The following OPCML variants were observed in gnomAD, a reference collection of about 807,000 sequenced individuals.
The protein encoded by OPCML is opioid-binding protein/cell adhesion molecule.
In OPCML, 13 loss-of-function variants were observed where a neutral mutation model predicts 37.8. That is an observed-to-expected ratio of 0.34 (90% confidence interval 0.22 to 0.55). The LOEUF (loss-of-function observed/expected upper bound fraction) is 0.55, where lower values mean the gene tolerates loss of function less well. Ranked by LOEUF, OPCML falls within the 20% of genes least tolerant of loss-of-function variation. OPCML has a pLI of 0.91. For synonymous variants in OPCML, 176 were observed against 168.8 expected (o/e 1.04, Z -0.33); for missense variants, 341 against 435.6 (o/e 0.78, Z 1.93).
chr11:133,366,735 C>CTTAGTATTGAGTTGGCT (rs2136737826), intron 1 of OPCML, among the ~76,000 whole-genome samples: 1 of 152,346 alleles, frequency 6.6e-6, no homozygotes, highest in East Asian at 1.9e-4. Flanking sequence ...TTGGCTTCCA[C>CTTAGTATTGAGTTGGCT]AGCAACTTAG....
intron 1 of OPCML, among the ~76,000 whole-genome samples, chr11:133,017,484 G>A (rs765709066): frequency 5.9e-5 from 9 of 151,468 alleles, no homozygotes; most frequent in Non-Finnish European, 1.3e-4. Context: ...CACAACCTCC[G>A]CCTCCTGGGT....
intron 1 of OPCML, among the ~76,000 whole-genome samples, chr11:132,983,152 G>T (rs1320129724): frequency 6.6e-6 from 1 of 152,162 alleles, no homozygotes; most frequent in Non-Finnish European, 1.5e-5. Context: ...TGCTTTTCAA[G>T]AGGCAGTCAC....
intron 1 of OPCML, among the ~76,000 whole-genome samples, chr11:133,074,741 G>A (rs1436687341): frequency 6.6e-6 from 1 of 152,084 alleles, no homozygotes; most frequent in Non-Finnish European, 1.5e-5. Flanking sequence ...AATATGATGA[G>A]AACATTAAAT....
intron 1 of OPCML, among the ~76,000 whole-genome samples, chr11:133,519,503 T>G (rs888443039): frequency 2.0e-5 from 3 of 151,990 alleles, no homozygotes; most frequent in Non-Finnish European, 2.9e-5. Context: ...CACCAAAATA[T>G]AGCTAAAAAA....
chr11:132,551,214 A>T (rs2096380865), intron 3 of OPCML, among the ~76,000 whole-genome samples: 2 of 152,226 alleles, frequency 1.3e-5, no homozygotes, highest in African/African-American at 2.4e-5. Context: ...TTGGTCAGCC[A>T]GACCACGTAC....
At chr11:132,746,618 C>A (rs1389679052) in intron 2 of OPCML, among the ~76,000 whole-genome samples, 1 of 152,178 alleles carries the variant, frequency 6.6e-6, no homozygotes, top group Non-Finnish European at 1.5e-5. Flanking sequence ...GTTTTTCCTG[C>A]AAAATGGATT....
chr11:132,691,580 G>A (rs1350000446), intron 2 of OPCML, among the ~76,000 whole-genome samples: 1 of 152,172 alleles, frequency 6.6e-6, no homozygotes, highest in Admixed American at 6.5e-5. Flanking sequence ...GTGGAGTGTT[G>A]GCCTGGACCA....
At chr11:132,513,414 C>CTTACATTAATT (rs2096273159) in intron 4 of OPCML, among the ~76,000 whole-genome samples, 1 of 152,054 alleles carries the variant, frequency 6.6e-6, no homozygotes, top group Non-Finnish European at 1.5e-5. Flanking sequence ...ACAGATTTTG[C>CTTACATTAATT]TTACATTAAT....
chr11:132,656,449 A>T lies in OPCML; in HGVS notation c.379+638T>A, dbSNP rs1565751328. Among the ~76,000 whole-genome samples, 5 of 152,324 alleles carry T rather than the reference A, an allele frequency of 3.3e-5. No homozygotes were observed. In the South Asian group the frequency reaches 1.0e-3, roughly 32 times the overall value. The stretch of plus-strand genomic sequence containing the variant: ...ATTCAAGTTTTTAAAGGAGAATGGA[A>T]GAAGATGCTAAGTCTTCCTTCCTCC... On this transcript the variant is annotated intron_variant, in intron 3 of 7. Transcript: ENST00000524381.
At chr11:132,752,018 T>G (rs1157735551) in intron 2 of OPCML, among the ~76,000 whole-genome samples, 1 of 152,144 alleles carries the variant, frequency 6.6e-6, no homozygotes, top group Non-Finnish European at 1.5e-5. Context: ...ACACAGTATT[T>G]AAAAGGCATG....
At chr11:133,027,489 G>GTGTGTA (rs552362808) in intron 1 of OPCML, among the ~76,000 whole-genome samples, 1 of 148,134 alleles carries the variant, frequency 6.8e-6, no homozygotes, top group Non-Finnish European at 1.5e-5. Flanking sequence ...GTGTGTGTGT[G>GTGTGTA]TTGTGTGTGT....
intron 1 of OPCML, among the ~76,000 whole-genome samples, chr11:133,089,157 A>C (rs939677483): frequency 1.3e-5 from 2 of 152,222 alleles, no homozygotes; most frequent in African/African-American, 2.4e-5. Context: ...TTCTGATAAT[A>C]GTAAGTGAGC....
chr11:132,714,192 A>C (rs1380162435), intron 2 of OPCML, among the ~76,000 whole-genome samples: 1 of 152,224 alleles, frequency 6.6e-6, no homozygotes, highest in African/African-American at 2.4e-5. Context: ...TGGTACTGTC[A>C]CTGAAGACTC....
At chr11:132,905,422 AG>A (rs768742492) in intron 2 of OPCML, among the ~76,000 whole-genome samples, 66 of 151,842 alleles carry the variant, frequency 4.3e-4, no homozygotes, top group South Asian at 8.3e-4. Flanking sequence ...TGGTAGAGAC[AG>A]GGTTTCATCA....
At chr11:133,515,716 C>T (rs962529842) in intron 1 of OPCML, among the ~76,000 whole-genome samples, 9 of 151,842 alleles carry the variant, frequency 5.9e-5, no homozygotes, top group African/African-American at 2.2e-4. Context: ...GTACCTTTAC[C>T]ACCAGTCCAG....
intron 3 of OPCML, among the ~76,000 whole-genome samples, chr11:132,588,425 G>T (rs1384827005): frequency 1.3e-5 from 2 of 152,126 alleles, no homozygotes; most frequent in Non-Finnish European, 2.9e-5. Flanking sequence ...AAATAAAAAT[G>T]ATCAATCATA....
chr11:132,599,243 A>T lies in OPCML; in HGVS notation c.379+57844T>A, dbSNP rs532944572. ...GGAGGTTGCAGTAAGCCGAGATTGC[A>T]CCACTGCACTCCAGCCTGGGTGACA... is the stretch of plus-strand genomic sequence containing the variant. On this transcript the variant is annotated intron_variant, in intron 3 of 7. Transcript: ENST00000524381. Among the ~76,000 whole-genome samples the T allele has an allele frequency of 2.0e-5, 3 of 152,126 alleles. No homozygotes were observed. The South Asian group carries it at 6.2e-4, about 32-fold the overall frequency.
Position 133,174,686 on chromosome 11 carries a change from AGTGT to A in OPCML, c.62-231680_62-231677del, listed in dbSNP as rs563185308. On this transcript the variant is annotated intron_variant, in intron 1 of 7. Transcript: ENST00000524381. This position sits in a 1 kb window ranked among gnomAD's most constrained non-coding sequence, Gnocchi z 4.6. ...AGGGGGAAGTTAAACACCTGAGTGA[AGTGT>A]GTGTATTTCTTGTCTCCTGAAAAAT... Among the ~76,000 whole-genome samples, 171 of 151,016 alleles carry A rather than the reference AGTGT, an allele frequency of 1.1e-3. No individual in the cohort carries two copies. The highest frequency in any genetic ancestry group is 4.1e-3 in the African/African-American group (167 of 41,152).
chr11:133,291,282 T>C (rs1356343192), intron 1 of OPCML, among the ~76,000 whole-genome samples: 1 of 152,234 alleles, frequency 6.6e-6, no homozygotes, highest in East Asian at 1.9e-4. Flanking sequence ...TCCAAAATCA[T>C]GATAATGATC....
Sources: allele counts gnomAD v4.1 joint callset (sites outside exome capture counted in the v4.1 genomes callset), GRCh38; gene constraint gnomAD v4.1.1; non-coding constraint Gnocchi (gnomAD v3.1); transcripts MANE v1.5; gene names NCBI Gene and HGNC (gene_info 2026-07-23, HGNC 2026-07-21).